The following NLGN1 variants were observed in gnomAD, a reference collection of about 807,000 sequenced individuals.
NLGN1 encodes the protein neuroligin-1.
Under a neutral mutation model 65.5 loss-of-function variants are expected in NLGN1, and 12 were observed. That is an observed-to-expected ratio of 0.18 (90% CI 0.12 to 0.30). The LOEUF (loss-of-function observed/expected upper bound fraction) is 0.30. NLGN1 is among the 10% of genes least tolerant of loss of function. The pLI is 1.00. For missense variants in NLGN1, 750 were observed against 1,007.1 expected (o/e 0.74, Z 3.46); for synonymous variants, 350 against 359.5 (o/e 0.97, Z 0.30).
At chr3:174,266,729 C>T (rs1339099352) in intron 4 of NLGN1, among the ~76,000 whole-genome samples, 6 of 152,112 alleles carry the variant, frequency 3.9e-5, no homozygotes, top group Admixed American at 1.3e-4. Flanking sequence ...ATTTTTTGAA[C>T]ATATGTATTT....
chr3:173,556,071 A>G (rs1741657300), intron 2 of NLGN1, among the ~76,000 whole-genome samples: 1 of 152,050 alleles, frequency 6.6e-6, no homozygotes, highest in African/African-American at 2.4e-5. Flanking sequence ...CTAACTTGTG[A>G]CCTTATTCAC....
At chr3:174,293,590 T>G in the NLGN1 span, among the ~76,000 whole-genome samples, 4 of 151,546 alleles carry the variant, frequency 2.6e-5, no homozygotes, top group Non-Finnish European at 5.9e-5. Flanking sequence ...TAGAAGAAAT[T>G]GGATAATATT....
At chr3:173,429,719 C>T (rs1443073119) in intron 1 of NLGN1, among the ~76,000 whole-genome samples, 3 of 152,190 alleles carry the variant, frequency 2.0e-5, no homozygotes, top group South Asian at 4.1e-4. Flanking sequence ...CACTAGATGA[C>T]ACCCTTGCTC....
intron 3 of NLGN1, among the ~76,000 whole-genome samples, chr3:173,793,316 G>A (rs988997060): frequency 6.6e-6 from 1 of 152,022 alleles, no homozygotes; most frequent in Non-Finnish European, 1.5e-5. Flanking sequence ...TGGGAAATCT[G>A]GTGAAATATG....
intron 1 of NLGN1, among the ~76,000 whole-genome samples, chr3:173,420,900 T>C (rs907163454): frequency 1.3e-5 from 2 of 152,234 alleles, no homozygotes; most frequent in African/African-American, 4.8e-5. Context: ...TTGCCATTGC[T>C]CTGCTTATTG....
chr3:173,822,945 G>A (rs1720610232), intron 4 of NLGN1, among the ~76,000 whole-genome samples: 1 of 151,474 alleles, frequency 6.6e-6, no homozygotes, highest in African/African-American at 2.4e-5. Context: ...TTAAAAACCT[G>A]CTATTTTTTG....
intron 4 of NLGN1, among the ~76,000 whole-genome samples, chr3:174,192,507 T>G (rs1286237139): frequency 6.6e-6 from 1 of 152,220 alleles, no homozygotes; most frequent in Non-Finnish European, 1.5e-5. Flanking sequence ...GCAAATACTT[T>G]TATTTATCTA....
chr3:173,807,732 C>T, exon 4 of NLGN1: 1 of 1,613,598 alleles, frequency 6.2e-7, no homozygotes, highest in Non-Finnish European at 8.5e-7. Flanking sequence ...TCCATGGTGG[C>T]TCATATATGG....
chr3:173,513,517 A>G (rs1733323327), intron 2 of NLGN1, among the ~76,000 whole-genome samples: 1 of 152,192 alleles, frequency 6.6e-6, no homozygotes, highest in Non-Finnish European at 1.5e-5. Flanking sequence ...TTTGCCCTGT[A>G]ACCTCACTTC....
intron 4 of NLGN1, among the ~76,000 whole-genome samples, chr3:173,817,190 A>C (rs920613073): frequency 6.6e-6 from 1 of 152,350 alleles, no homozygotes; most frequent in East Asian, 1.9e-4. Flanking sequence ...GCATGCTAAC[A>C]GAGCTCAGCA....
intron 3 of NLGN1, among the ~76,000 whole-genome samples, chr3:173,707,663 A>T (rs569234927): frequency 3.9e-5 from 6 of 152,164 alleles, no homozygotes; most frequent in Non-Finnish European, 8.8e-5. Context: ...GACCATATGC[A>T]TCCATCAGAA....
At chr3:173,453,621 T>G (rs247984) in intron 2 of NLGN1, among the ~76,000 whole-genome samples, 122,158 of 152,042 alleles carry the variant, frequency 0.8, 49,899 homozygotes, top group East Asian at 0.97. Flanking sequence ...TCTGTCTCCA[T>G]AAACCACTTT....
chr3:174,072,427 G>C (rs1364168545), intron 4 of NLGN1, among the ~76,000 whole-genome samples: 1 of 152,136 alleles, frequency 6.6e-6, no homozygotes, highest in Non-Finnish European at 1.5e-5. Flanking sequence ...AGTGTGTGCT[G>C]TAATGGTTAT....
chr3:173,931,135 A>G (rs1744014669), intron 4 of NLGN1, among the ~76,000 whole-genome samples: 1 of 152,116 alleles, frequency 6.6e-6, no homozygotes, highest in South Asian at 2.1e-4. Context: ...TTCTATTAGA[A>G]ACTCAGTCAA....
chr3:173,481,362 A>G (rs1462504809), intron 2 of NLGN1, among the ~76,000 whole-genome samples: 1 of 151,986 alleles, frequency 6.6e-6, no homozygotes, highest in Non-Finnish European at 1.5e-5. Context: ...TTACACATAA[A>G]CTGCAATGCA....
At chr3:173,682,000 T>G (rs1308439028) in intron 3 of NLGN1, among the ~76,000 whole-genome samples, 1 of 152,164 alleles carries the variant, frequency 6.6e-6, no homozygotes, top group Non-Finnish European at 1.5e-5. Context: ...GTGAGCTTTA[T>G]TTAGTAGGAA....
chr3:173,822,592 TC>T (rs913218698), intron 4 of NLGN1, among the ~76,000 whole-genome samples: 3 of 152,134 alleles, frequency 2.0e-5, no homozygotes, highest in African/African-American at 7.2e-5. Context: ...ATGCAAATAT[TC>T]CAAAATCCAA....
At chr3:174,131,766 A>G (rs370722431) in intron 4 of NLGN1, among the ~76,000 whole-genome samples, 1 of 152,198 alleles carries the variant, frequency 6.6e-6, no homozygotes, top group Non-Finnish European at 1.5e-5. Flanking sequence ...AAGCTTGCCA[A>G]TTAGCTCAAA....
Position 173,435,008 on chromosome 3 carries a change from A to G in NLGN1, c.-389-2A>G, listed in dbSNP as rs1717849450. 6.6e-6 allele frequency: 1 copy of G among 152,662 alleles called. No homozygotes were observed. Among genetic ancestry groups the G allele is most frequent in the Non-Finnish European group, 1.5e-5 (1 of 68,046 alleles). The allele number at this position is 152,662 out of a possible 1,614,324, so 9.5% of individuals were successfully genotyped here. On this transcript the variant is annotated splice_acceptor_variant, in intron 1 of 6. Transcript: ENST00000457714. LOFTEE classifies it low-confidence loss of function (5UTR_SPLICE). ...TTGCTTTCTGACACTTCTGAGGAGC[A>G]GACCTGTGAAGCTTGAGGCCACTCA...
Sources: allele counts gnomAD v4.1 joint callset (sites outside exome capture counted in the v4.1 genomes callset), GRCh38; gene constraint gnomAD v4.1.1; transcripts MANE v1.5; gene names NCBI Gene and HGNC (gene_info 2026-07-23, HGNC 2026-07-21).